The following RASA1 variants were observed in gnomAD, a reference collection of about 807,000 sequenced individuals.
RASA1 encodes ras GTPase-activating protein 1.
A neutral mutation model predicts 132.2 loss-of-function variants in RASA1; 25 were observed. The observed-to-expected ratio is 0.19, with a 90% CI of 0.14 to 0.26. The LOEUF is 0.26. Ranked by LOEUF, RASA1 falls within the 10% of genes least tolerant of loss-of-function variation. The pLI is 1.00. For synonymous variants in RASA1, 477 were observed against 449.9 expected (o/e 1.06, Z -0.76); for missense variants, 964 against 1,299.2 (o/e 0.74, Z 3.97).
intron 4 of RASA1, 134 bp downstream of exon 4, chr5:87,333,471 G>A: frequency 7.3e-7 from 1 of 1,375,932 alleles, no homozygotes; most frequent in Non-Finnish European, 9.8e-7. Flanking sequence ...TTGATATTGG[G>A]TCTGTTGGTC....
chr5:87,287,085 CAT>C (rs1283216038), intron 1 of RASA1, among the ~76,000 whole-genome samples: 43 of 139,718 alleles, frequency 3.1e-4, no homozygotes, highest in African/African-American at 1.1e-3. Flanking sequence ...ATATACACAC[CAT>C]ATATATACAC....
intron 1 of RASA1, among the ~76,000 whole-genome samples, chr5:87,306,556 C>T (rs1361694203): frequency 6.6e-6 from 1 of 151,886 alleles, no homozygotes; most frequent in Non-Finnish European, 1.5e-5. Context: ...ACAATAGACT[C>T]CCATGACACA....
chr5:87,295,179 G>A (rs940169175), intron 1 of RASA1, among the ~76,000 whole-genome samples: 3 of 152,066 alleles, frequency 2.0e-5, no homozygotes, highest in Non-Finnish European at 2.9e-5. Context: ...TCTGATTAGC[G>A]TTAGCGTGGT....
At chr5:87,306,914 A>G (rs1474022121) in intron 1 of RASA1, among the ~76,000 whole-genome samples, 4 of 152,040 alleles carry the variant, frequency 2.6e-5, no homozygotes, top group African/African-American at 9.7e-5. Context: ...ACTGGAGTGC[A>G]ATGGTACGAT....
At chr5:87,287,285 CATAT>C (rs1190648536) in intron 1 of RASA1, among the ~76,000 whole-genome samples, 2 of 142,146 alleles carry the variant, frequency 1.4e-5, no homozygotes, top group African/African-American at 2.6e-5. Context: ...ATATACACAC[CATAT>C]ATATACACCA....
chr5:87,306,016 G>T (rs1043969205), intron 1 of RASA1, among the ~76,000 whole-genome samples: 1 of 152,228 alleles, frequency 6.6e-6, no homozygotes, highest in Non-Finnish European at 1.5e-5. Flanking sequence ...TACGCAGTTG[G>T]TGGGAGTGTA....
At chr5:87,332,723 T>C (rs1456084784) in intron 3 of RASA1, 81 bp downstream of exon 3, 21 of 1,344,508 alleles carry the variant, frequency 1.6e-5, no homozygotes, top group Admixed American at 2.1e-5. Context: ...CAGTTTCTTA[T>C]GTTTATTATA....
At chr5:87,270,593 G>A (rs892795543) in intron 1 of RASA1, among the ~76,000 whole-genome samples, 4 of 147,374 alleles carry the variant, frequency 2.7e-5, no homozygotes, top group African/African-American at 7.5e-5. Context: ...GTGATCCGCC[G>A]GCCTCAGCCT....
chr5:87,382,967 C>A (rs1320691347), intron 20 of RASA1, among the ~76,000 whole-genome samples: 2 of 151,748 alleles, frequency 1.3e-5, no homozygotes, highest in South Asian at 4.2e-4. Flanking sequence ...GTGATGTGCA[C>A]CTGTAGTCCT....
At chr5:87,375,233 C>T (rs1761241969) in intron 15 of RASA1, among the ~76,000 whole-genome samples, 2 of 151,904 alleles carry the variant, frequency 1.3e-5, no homozygotes. Context: ...TGCCCTCATC[C>T]CTTCTTTCTA....
At chr5:87,353,383 G>C in intron 9 of RASA1, 148 bp downstream of exon 9, 1 of 727,796 alleles carries the variant, frequency 1.4e-6, no homozygotes, top group Non-Finnish European at 2.3e-6. Context: ...TCAACTGTAA[G>C]AATCTTTTAG....
chr5:87,378,362 T>C (rs1424810999), intron 17 of RASA1, 34 bp from the exon 18 acceptor site: 1 of 1,608,600 alleles, frequency 6.2e-7, no homozygotes, highest in Non-Finnish European at 8.5e-7. Flanking sequence ...GTCAGTCCTT[T>C]ACAAATAATC....
At chr5:87,376,133 G>T in intron 15 of RASA1, 1 of 501,374 alleles carries the variant, frequency 2.0e-6, no homozygotes. Flanking sequence ...TTGATTTCTT[G>T]CCTTCTTGAC....
rs537386361 is a variant in RASA1 at position 87,277,391 on chromosome 5, T to A, written c.539+8401T>A. ...AGATACAGCCTTTAAAAGAGGTAAT[T>A]AAGGTTAAATGAGGTCATAAGGGTG... On this transcript the variant is annotated intron_variant, in intron 1 of 24. Transcript: ENST00000274376. Among the ~76,000 whole-genome samples the A allele has an allele frequency of 3.3e-5, 5 of 152,174 alleles. No individual in the cohort carries two copies. In the South Asian group the frequency reaches 1.0e-3, roughly 32 times the overall value.
At position 87,385,298 on chromosome 5, in the gene RASA1, C is replaced by T; in HGVS notation, c.2759-3C>T. 6.3e-7 allele frequency: 1 copy of T among 1,596,146 alleles called. No individual in the cohort carries two copies. Among genetic ancestry groups the T allele is most frequent in the Non-Finnish European group, 8.6e-7 (1 of 1,164,132 alleles). ...TCATTAGCTGTGCCCAATTCTGTTA[C>T]AGATTCTCCATCTCCTATTGCTGCA... is the stretch of plus-strand genomic sequence containing the variant. On this transcript the variant is annotated splice_polypyrimidine_tract_variant and splice_region_variant and intron_variant, in intron 21 of 24. Transcript: ENST00000274376.
intron 1 of RASA1, chr5:87,330,889 C>T (rs774525460): frequency 8.6e-6 from 10 of 1,165,352 alleles, no homozygotes; most frequent in South Asian, 6.5e-5. Context: ...GTTTTCCTGT[C>T]GCAGGGCACA....
At chr5:87,339,562 G>C (rs1758288798) in intron 5 of RASA1, among the ~76,000 whole-genome samples, 1 of 151,926 alleles carries the variant, frequency 6.6e-6, no homozygotes, top group Non-Finnish European at 1.5e-5. Flanking sequence ...TGAGCTCTTG[G>C]AATTCTGGAT....
intron 1 of RASA1, among the ~76,000 whole-genome samples, chr5:87,293,409 TTTTAA>T (rs1471275318): frequency 1.3e-5 from 2 of 152,176 alleles, no homozygotes; most frequent in African/African-American, 4.8e-5. Context: ...TTACATTGAT[TTTTAA>T]AAATGTTGAG....
intron 1 of RASA1, among the ~76,000 whole-genome samples, chr5:87,322,211 G>T (rs1455839996): frequency 6.6e-6 from 1 of 152,100 alleles, no homozygotes; most frequent in Non-Finnish European, 1.5e-5. Context: ...TCTATGGCCT[G>T]TTAGGAGCTG....
Sources: gnomAD v4.1 joint callset for allele counts (sites outside exome capture counted in the v4.1 genomes callset) on GRCh38, gnomAD v4.1.1 for gene constraint, MANE v1.5 for transcripts, NCBI Gene and HGNC (gene_info 2026-07-23, HGNC 2026-07-21) for gene names.